The following ELMO1 variants were observed in gnomAD, a reference collection of about 807,000 sequenced individuals.
The protein encoded by ELMO1 is engulfment and cell motility protein 1.
Under a neutral mutation model 98.9 loss-of-function variants are expected in ELMO1, and 26 were observed. The observed-to-expected ratio is 0.26, with a 90% CI of 0.19 to 0.36. The LOEUF (loss-of-function observed/expected upper bound fraction) is 0.36, where lower values mean the gene tolerates loss of function less well. ELMO1 is among the 10% of genes least tolerant of loss of function. The probability of loss-of-function intolerance (pLI) is 1.00; values close to 1 mark genes in which losing one functional copy is unlikely to be tolerated. For missense variants in ELMO1, 627 were observed against 935.2 expected (o/e 0.67, Z 4.30); for synonymous variants, 346 against 346.0 (o/e 1.00, Z 0.00).
intron 14 of ELMO1, among the ~76,000 whole-genome samples, chr7:37,122,664 A>C (rs948456382): frequency 1.3e-5 from 2 of 152,222 alleles, no homozygotes; most frequent in African/African-American, 4.8e-5. Flanking sequence ...AAAGAGACTT[A>C]GACTCCCACA....
intron 6 of ELMO1, among the ~76,000 whole-genome samples, chr7:37,245,715 C>G (rs1794971590): frequency 6.6e-6 from 1 of 152,022 alleles, no homozygotes; most frequent in African/African-American, 2.4e-5. Flanking sequence ...ACCAGGGCTC[C>G]TTGGGGAAGT....
intron 15 of ELMO1, among the ~76,000 whole-genome samples, chr7:37,051,572 C>T (rs1033443099): frequency 6.6e-6 from 1 of 150,604 alleles, no homozygotes; most frequent in African/African-American, 2.5e-5. Context: ...TACCCTTATA[C>T]TTAAAGGTGT....
At chr7:36,922,017 G>GT (rs771915784) in intron 16 of ELMO1, among the ~76,000 whole-genome samples, 1 of 151,912 alleles carries the variant, frequency 6.6e-6, no homozygotes, top group Admixed American at 6.6e-5. Flanking sequence ...TGCTAATTTT[G>GT]TTTTTTTCTA....
At chr7:36,860,386 G>A (rs923994213) in intron 21 of ELMO1, among the ~76,000 whole-genome samples, 5 of 152,212 alleles carry the variant, frequency 3.3e-5, no homozygotes, top group Admixed American at 6.5e-5. Flanking sequence ...ACTTTCTATT[G>A]TATGGAATAA....
intron 15 of ELMO1, among the ~76,000 whole-genome samples, chr7:37,036,070 G>A (rs947527406): frequency 3.3e-5 from 5 of 152,154 alleles, no homozygotes; most frequent in African/African-American, 1.2e-4. Flanking sequence ...TTTTATGGTA[G>A]TGAATGATAA....
chr7:37,061,013 G>T (rs1381637846), intron 15 of ELMO1, among the ~76,000 whole-genome samples: 1 of 151,988 alleles, frequency 6.6e-6, no homozygotes, highest in African/African-American at 2.4e-5. Context: ...CCCAAATTTG[G>T]TTATCATTTA....
intron 4 of ELMO1, among the ~76,000 whole-genome samples, chr7:37,289,336 T>C (rs1797559566): frequency 6.6e-6 from 1 of 152,212 alleles, no homozygotes; most frequent in Non-Finnish European, 1.5e-5. Context: ...ATTTCATACC[T>C]ACTATGGGCA....
At chr7:37,236,579 G>A (rs986840827) in intron 7 of ELMO1, among the ~76,000 whole-genome samples, 19 of 152,092 alleles carry the variant, frequency 1.2e-4, no homozygotes, top group Non-Finnish European at 2.4e-4. Context: ...ATACACATAG[G>A]TATATAATAT....
chr7:37,265,124 C>G (rs1373561484), intron 5 of ELMO1, among the ~76,000 whole-genome samples: 1 of 152,100 alleles, frequency 6.6e-6, no homozygotes, highest in Admixed American at 6.6e-5. Context: ...TCAAAGCAAT[C>G]AGCCAGGAGT....
At chr7:37,238,435 T>C (rs1409075917) in intron 7 of ELMO1, among the ~76,000 whole-genome samples, 1 of 152,226 alleles carries the variant, frequency 6.6e-6, no homozygotes, top group African/African-American at 2.4e-5. Flanking sequence ...TAAATTCAAT[T>C]ATATCTAGCA....
chr7:37,402,475 C>G (rs964755317), intron 1 of ELMO1, among the ~76,000 whole-genome samples: 7 of 152,140 alleles, frequency 4.6e-5, no homozygotes, highest in African/African-American at 1.7e-4. Flanking sequence ...GTTTCCCCTT[C>G]CTCTTTCTTC....
intron 2 of ELMO1, among the ~76,000 whole-genome samples, chr7:37,332,856 T>C (rs1384475906): frequency 1.3e-5 from 2 of 151,984 alleles, no homozygotes; most frequent in Non-Finnish European, 2.9e-5. Flanking sequence ...GGGAATGGAT[T>C]GGAGGGGAAG....
At chr7:37,329,820 G>T (rs767397121) in intron 2 of ELMO1, among the ~76,000 whole-genome samples, 1 of 152,148 alleles carries the variant, frequency 6.6e-6, no homozygotes, top group Non-Finnish European at 1.5e-5. Context: ...TGTCAAATTA[G>T]TCTTCCCATA....
chr7:37,379,793 G>A (rs1039824065), intron 1 of ELMO1, among the ~76,000 whole-genome samples: 10 of 152,118 alleles, frequency 6.6e-5, no homozygotes, highest in African/African-American at 9.7e-5. Context: ...CCAGGCCACC[G>A]CAACTCTGAT....
At chr7:36,856,531 G>A (rs1802208570) in intron 21 of ELMO1, among the ~76,000 whole-genome samples, 1 of 152,190 alleles carries the variant, frequency 6.6e-6, no homozygotes, top group Non-Finnish European at 1.5e-5. Context: ...ACCCAACTAA[G>A]AGTCTGATTC....
At chr7:37,098,932 C>T (rs1784499145) in intron 14 of ELMO1, among the ~76,000 whole-genome samples, 2 of 152,190 alleles carry the variant, frequency 1.3e-5, no homozygotes, top group South Asian at 4.1e-4. Flanking sequence ...AGCACATTCC[C>T]TTGTATTTCA....
At chr7:37,155,487 C>CAAAA (rs781745325) in intron 13 of ELMO1, among the ~76,000 whole-genome samples, 918 of 49,380 alleles carry the variant, frequency 0.019, 33 homozygotes, top group African/African-American at 0.038. Flanking sequence ...AAACGGAAAG[C>CAAAA]AAAAAAAAAA....
chr7:37,359,482 A>G (rs889443914), intron 1 of ELMO1, among the ~76,000 whole-genome samples: 28 of 152,242 alleles, frequency 1.8e-4, no homozygotes, highest in Admixed American at 1.4e-3. Flanking sequence ...ACACACCTAT[A>G]TAACTTACCC....
At chr7:36,977,055 A>T (rs780196171) in intron 16 of ELMO1, among the ~76,000 whole-genome samples, 1 of 152,164 alleles carries the variant, frequency 6.6e-6, no homozygotes, top group African/African-American at 2.4e-5. Flanking sequence ...CTGTTTCCTT[A>T]TCTATAAAAG....
Sources: gnomAD v4.1 joint callset for allele counts (sites outside exome capture counted in the v4.1 genomes callset) on GRCh38, gnomAD v4.1.1 for gene constraint, MANE v1.5 for transcripts, NCBI Gene and HGNC (gene_info 2026-07-23, HGNC 2026-07-21) for gene names.